The following LRCH4 variants were observed in gnomAD, a reference collection of about 807,000 sequenced individuals.
The protein encoded by LRCH4 is leucine rich repeats and calponin homology domain containing 4, also known as leucine-rich repeat and calponin homology domain-containing protein 4.
A neutral mutation model predicts 81.2 loss-of-function variants in LRCH4; 56 were observed. The observed-to-expected ratio is 0.69, with a 90% CI of 0.56 to 0.86. The LOEUF (loss-of-function observed/expected upper bound fraction) is 0.86. LRCH4 is among the 40% of genes least tolerant of loss of function. The pLI, the probability that LRCH4 is intolerant of heterozygous loss-of-function variation, is 0.00. For synonymous variants in LRCH4, 442 were observed against 409.7 expected, an observed-to-expected ratio of 1.08 and a Z score of -0.95; for missense variants, 895 against 922.8, an observed-to-expected ratio of 0.97 and a Z score of 0.39.
In LRCH4 at chr7:100,586,071, G is replaced by A. The variant is rs1445175685; in HGVS notation, c.30C>T (p.Ala10=). The A allele has an allele frequency of 4.5e-6, 7 of 1,555,504 alleles. No homozygotes were observed. The highest frequency in any genetic ancestry group is 1.2e-5 in the South Asian group (1 of 85,406). MAAAVAAPL[A]AGGEEAAATT... is the part of the protein sequence containing the mutation. ...TGGCTGCCGCCTCCTCACCCCCGGC[G>A]GCGAGTGGAGCCGCTACGGCCGCCG... The change falls in exon 1 of 18, where the codon GCC becomes GCT. Residue 10 remains alanine, a synonymous_variant. Transcript: ENST00000310300.
At chr7:100,585,033 A>G in intron 1 of LRCH4, 1 of 343,538 alleles carries the variant, frequency 2.9e-6, no homozygotes, top group Non-Finnish European at 5.8e-6. Flanking sequence ...ACCAGGGTGG[A>G]GGGTGCATGG....
rs77589280 is a variant in LRCH4 at position 100,575,659 on chromosome 7, G to A, written c.1854+46C>T. 3,040 of 1,603,394 alleles carry A rather than the reference G, an allele frequency of 1.9e-3. 103 individuals are homozygous for A. In the East Asian group the frequency reaches 0.064, roughly 34 times the overall value. On this transcript the variant is annotated intron_variant, in intron 17 of 17. Coordinates refer to ENST00000310300, the MANE Select transcript of LRCH4 (RefSeq NM_002319.5). The surrounding 1 kb of genome is among the most constrained non-coding windows in gnomAD (Gnocchi z 5.3). The stretch of plus-strand genomic sequence containing the variant: ...AGCCCACCATCCATGCCACATGCTC[G>A]GCTGAGTCCGGCATGCCACCACTCT...
intron 1 of LRCH4, 109 bp downstream of exon 1, chr7:100,585,772 C>G (rs748055804): frequency 1.5e-5 from 19 of 1,232,662 alleles, no homozygotes; most frequent in Non-Finnish European, 2.1e-5. Flanking sequence ...GGGGCAGCAA[C>G]CCTGGCCGCC....
rs1413834651 is a variant in LRCH4, at chr7:100,575,386, C to T, written c.1855-82G>A. On this transcript the variant is annotated intron_variant, in intron 17 of 17. Coordinates refer to ENST00000310300, the MANE Select transcript of LRCH4 (RefSeq NM_002319.5). This position sits in a 1 kb window ranked among gnomAD's most constrained non-coding sequence, Gnocchi z 5.3. ...CAGGACAGTCCCTCCCACCCCTGCC[C>T]TCACGTGCTGGGGCCAGAACCACGC... 2 of 1,322,448 alleles carry T rather than the reference C, an allele frequency of 1.5e-6. No individual in the cohort carries two copies. The highest frequency in any genetic ancestry group is 1.4e-5 in the South Asian group (1 of 73,812). 81.9% of individuals were successfully genotyped at this position (1,322,448 alleles called of 1,614,324 possible).
chr7:100,582,050 C>G lies in LRCH4; in HGVS notation c.483G>C (p.Leu161=). The change falls in exon 3 of 18, where the codon CTG becomes CTC. Residue 161 remains leucine, a synonymous_variant. Transcript: ENST00000310300. This position sits in a 1 kb window ranked among gnomAD's most constrained non-coding sequence, Gnocchi z 5.0. ...CCGTCCCCATCCTCACAAGCTGTCG[C>G]AGGCTTCCCAGGGTGCCGATGTCAG... is the stretch of plus-strand genomic sequence containing the variant. ...LPPDIGTLGS[L]RQLDVSSNEL... 1 of 1,609,640 alleles carries G rather than the reference C, an allele frequency of 6.2e-7. No individual in the cohort carries two copies. The highest frequency in any genetic ancestry group is 8.5e-7 in the Non-Finnish European group (1 of 1,178,648).
chr7:100,582,511 G>C lies in LRCH4; in HGVS notation c.221-52C>G. The C allele has an allele frequency of 1.3e-6, 2 of 1,571,668 alleles. No homozygotes were observed. Among genetic ancestry groups the C allele is most frequent in the Non-Finnish European group, 1.7e-6 (2 of 1,164,608 alleles). On this transcript the variant is annotated intron_variant, in intron 1 of 17. Transcript: ENST00000310300. This position sits in a 1 kb window ranked among gnomAD's most constrained non-coding sequence, Gnocchi z 5.0. ...GTTGCGGAAAGGCCCAGCCCGGACA[G>C]GACCTTCAGTCCCCCCAGAGCCGGC...
Position 100,578,494 on chromosome 7 carries a change from T to C in LRCH4, c.753A>G (p.Lys251=). The C allele has an allele frequency of 1.2e-6, 2 of 1,613,886 alleles. No individual in the cohort carries two copies. The highest frequency in any genetic ancestry group is 1.7e-6 in the Non-Finnish European group (2 of 1,179,912). The change falls in exon 6 of 18, where the codon AAA becomes AAG. Residue 251 remains lysine (K), a synonymous_variant. Coordinates refer to ENST00000310300, the MANE Select transcript of LRCH4 (RefSeq NM_002319.5). The surrounding 1 kb of genome is among the most constrained non-coding windows in gnomAD (Gnocchi z 5.7). ...TGGACAAATACTTGAAGATGTGAAGTTTCCCCTTCAGGCAGACCTGTGTGC... is the reference window on the plus strand; with the variant it reads ...TGGACAAATACTTGAAGATGTGAAGCTTCCCCTTCAGGCAGACCTGTGTGC... ...SPPAQVCLKG[K]LHIFKYLSTE...
intron 4 of LRCH4, chr7:100,580,228 G>A (rs1801484596): frequency 6.6e-6 from 1 of 152,106 alleles, no homozygotes; most frequent in Admixed American, 6.5e-5. Context: ...TCTTCCCCAG[G>A]ACCCCCACGC....
Position 100,581,343 on chromosome 7 carries a change from T to C in LRCH4, c.598+434A>G, listed in dbSNP as rs543987351. Among the ~76,000 whole-genome samples, 3 of 152,376 alleles carry C rather than the reference T, an allele frequency of 2.0e-5. No homozygotes were observed. The South Asian group carries it at 6.2e-4, about 32-fold the overall frequency. On this transcript the variant is annotated intron_variant, in intron 4 of 17. Transcript: ENST00000310300. Reference sequence around the variant, plus strand: ...GGTGTAATTCTCCTCTGAAGATTCCTGGCCTGTAACTTCTTCAAAGCACAT... The same window carrying C: ...GGTGTAATTCTCCTCTGAAGATTCCCGGCCTGTAACTTCTTCAAAGCACAT...
At chr7:100,581,991 C>T (rs1471737838) in intron 3 of LRCH4, 50 bp downstream of exon 3, 1 of 1,600,240 alleles carries the variant, frequency 6.2e-7, no homozygotes, top group African/African-American at 1.3e-5. Context: ...CCTAGAAGGT[C>T]CCGCTGCCTG....
At chr7:100,576,811 C>A in intron 13 of LRCH4, 34 bp from the exon 14 acceptor site, 2 of 1,549,050 alleles carry the variant, frequency 1.3e-6, no homozygotes, top group East Asian at 2.4e-5. Context: ...GCGACAGGGG[C>A]AGGTGAGACA....
Position 100,577,777 on chromosome 7 carries a change from C to G in LRCH4, c.1040-37G>C. The G allele has an allele frequency of 6.2e-7, 1 of 1,613,634 alleles. No individual in the cohort carries two copies. Among genetic ancestry groups the G allele is most frequent in the South Asian group, 1.1e-5 (1 of 91,074 alleles). ...AGCATGTCAGCAAGTGAGCGGGGAC[C>G]CAGGCCCTGGTCCAGCCCAGCTCCC... On this transcript the variant is annotated intron_variant, in intron 8 of 17. Coordinates refer to ENST00000310300, the MANE Select transcript of LRCH4 (RefSeq NM_002319.5). The surrounding 1 kb of genome is among the most constrained non-coding windows in gnomAD (Gnocchi z 6.7).
At chr7:100,585,820 G>T (rs1295220144) in intron 1 of LRCH4, 61 bp downstream of exon 1, 1 of 1,445,718 alleles carries the variant, frequency 6.9e-7, no homozygotes, top group Non-Finnish European at 9.1e-7. Context: ...GCCGGGCGGG[G>T]CCCGGGGTGG....
chr7:100,580,807 GCA>G (rs1272620474), intron 4 of LRCH4: 1 of 141,770 alleles, frequency 7.1e-6, no homozygotes, highest in Non-Finnish European at 1.5e-5. Context: ...ACATACACAT[GCA>G]CATAGACACA....
Position 100,578,012 on chromosome 7 carries a change from G to A in LRCH4, c.949-100C>T. The A allele has an allele frequency of 3.8e-6, 5 of 1,308,572 alleles. No individual in the cohort carries two copies. The highest frequency in any genetic ancestry group is 5.4e-6 in the Non-Finnish European group (5 of 920,128). The allele number at this position is 1,308,572 out of a possible 1,614,324, so 81.1% of individuals were successfully genotyped here. A position where few individuals can be genotyped will look rare whatever the true frequency, so the allele number is the denominator to read the frequency against. ...GGACTAAGCTCAGGGTCTCTGCTGA[G>A]CCAGCCCTTCCCTGGGATGCTGGGC... is the stretch of plus-strand genomic sequence containing the variant. On this transcript the variant is annotated intron_variant, in intron 7 of 17. Coordinates refer to ENST00000310300, the MANE Select transcript of LRCH4 (RefSeq NM_002319.5). The surrounding 1 kb of genome is among the most constrained non-coding windows in gnomAD (Gnocchi z 5.7).
At chr7:100,579,102 C>T (rs540307690) in intron 4 of LRCH4, 9 of 383,384 alleles carry the variant, frequency 2.3e-5, no homozygotes, top group Admixed American at 4.3e-5. Context: ...ACTCCACACT[C>T]GAACCCACCC....
chr7:100,582,455 C>T lies in LRCH4; in HGVS notation c.225G>A (p.Leu75=). 1.9e-6 allele frequency: 3 copies of T among 1,607,730 alleles called. No individual in the cohort carries two copies. Among genetic ancestry groups the T allele is most frequent in the Non-Finnish European group, 2.5e-6 (3 of 1,179,820 alleles). ...GCACCTCGGGAAACCGGTTCCGGGA[C>T]AGGTCTGGGGAAAAGGAGGTGTCGG... ...YDLSDITQAD[L]SRNRFPEVPE... The change falls in exon 2 of 18, where the codon CTG becomes CTA. Residue 75 remains leucine (L), a synonymous_variant. Transcript: ENST00000310300. This position sits in a 1 kb window ranked among gnomAD's most constrained non-coding sequence, Gnocchi z 5.0.
chr7:100,575,061 A>C lies in LRCH4; in HGVS notation c.*46T>G. Reference sequence around the variant, plus strand: ...GGGTCGGGTGGAGCAGGGACCTTATAAATAGAGAGGAAGGGAAAGGGGTGA... The same window carrying C: ...GGGTCGGGTGGAGCAGGGACCTTATCAATAGAGAGGAAGGGAAAGGGGTGA... On this transcript the variant is annotated 3_prime_UTR_variant, in exon 18 of 18. Transcript: ENST00000310300. This position sits in a 1 kb window ranked among gnomAD's most constrained non-coding sequence, Gnocchi z 5.3. 1 of 1,547,390 alleles carries C rather than the reference A, an allele frequency of 6.5e-7. No individual in the cohort carries two copies. Among genetic ancestry groups the C allele is most frequent in the Non-Finnish European group, 8.8e-7 (1 of 1,139,268 alleles).
intron 1 of LRCH4, chr7:100,584,987 C>G: frequency 2.8e-6 from 1 of 355,676 alleles, no homozygotes; most frequent in Non-Finnish European, 5.6e-6. Flanking sequence ...ACTCACCTGT[C>G]ACAGTTAAGT....
Sources: gnomAD v4.1 joint callset for allele counts (sites outside exome capture counted in the v4.1 genomes callset) on GRCh38, gnomAD v4.1.1 for gene constraint, Gnocchi (gnomAD v3.1) non-coding constraint, MANE v1.5 for transcripts, NCBI Gene and HGNC (gene_info 2026-07-23, HGNC 2026-07-21) for gene names.